TLN2: variants seen among roughly 807,000 people sequenced by gnomAD.
The protein encoded by TLN2 is talin 2, also known as talin-2.
In TLN2, 118 loss-of-function variants were observed where a neutral mutation model predicts 294.7. The ratio of observed to expected loss-of-function variants is 0.40; its 90% CI spans 0.34 to 0.47. The LOEUF is 0.47. TLN2 is among the 20% of genes least tolerant of loss of function. The pLI, the probability that TLN2 is intolerant of heterozygous loss-of-function variation, is 0.84. For synonymous variants in TLN2, 1,431 were observed against 1,304.5 expected (o/e 1.10, Z -2.09); for missense variants, 3,083 against 3,282.2 (o/e 0.94, Z 1.48).
At chr15:62,720,025 C>A in intron 25 of TLN2, 145 bp downstream of exon 25, 1 of 546,384 alleles carries the variant, frequency 1.8e-6, no homozygotes, top group Non-Finnish European at 2.9e-6. Flanking sequence ...TTTACCTTTC[C>A]AGTTTCAGGA....
chr15:62,479,562 C>T (rs900811554), intron 1 of TLN2, among the ~76,000 whole-genome samples: 62 of 152,070 alleles, frequency 4.1e-4, no homozygotes, highest in Non-Finnish European at 2.9e-4. Context: ...CTGCAACCTC[C>T]GCCTCCTGGG....
At chr15:62,784,734 A>ATATAAT (rs2064495729) in intron 45 of TLN2, 1 of 152,242 alleles carries the variant, frequency 6.6e-6, no homozygotes. Context: ...GATTACAGGG[A>ATATAAT]CACTTAAAAG....
chr15:62,719,495 TA>T (rs762686360), intron 24 of TLN2, among the ~76,000 whole-genome samples: 2 of 152,206 alleles, frequency 1.3e-5, no homozygotes, highest in Non-Finnish European at 2.9e-5. Context: ...GAAATTCTTT[TA>T]GGCCTCATCA....
chr15:62,694,252 G>A (rs917394296), intron 13 of TLN2, 64 bp from the exon 14 acceptor site: 50 of 1,482,026 alleles, frequency 3.4e-5, no homozygotes, highest in Non-Finnish European at 4.2e-5. Flanking sequence ...GCTGGGATTA[G>A]AGGCGTGAGC....
chr15:62,572,436 G>A (rs1247201069), intron 1 of TLN2, among the ~76,000 whole-genome samples: 2 of 152,088 alleles, frequency 1.3e-5, no homozygotes, highest in Non-Finnish European at 2.9e-5. Flanking sequence ...TGTAAAGACA[G>A]GTTCTCACTC....
intron 7 of TLN2, among the ~76,000 whole-genome samples, chr15:62,654,507 A>C (rs1395110161): frequency 6.6e-6 from 1 of 152,030 alleles, no homozygotes; most frequent in East Asian, 1.9e-4. Flanking sequence ...TAATTCTAGC[A>C]CTTTGGGAGG....
intron 1 of TLN2, among the ~76,000 whole-genome samples, chr15:62,426,133 G>A (rs1474166508): frequency 6.6e-6 from 1 of 152,158 alleles, no homozygotes; most frequent in African/African-American, 2.4e-5. Context: ...GACCCTGCCT[G>A]AGGAGGGCCT....
intron 1 of TLN2, among the ~76,000 whole-genome samples, chr15:62,530,796 A>T (rs745358584): frequency 2.6e-5 from 4 of 152,240 alleles, no homozygotes; most frequent in Non-Finnish European, 4.4e-5. Flanking sequence ...ACACATGAAA[A>T]ATAGTATCTT....
chr15:62,833,301 C>T, intron 54 of TLN2: 1 of 699,322 alleles, frequency 1.4e-6, no homozygotes, highest in Non-Finnish European at 2.3e-6. Flanking sequence ...GTGGCTTAAC[C>T]AAACTGACTT....
chr15:62,509,310 T>C (rs16945193), intron 1 of TLN2, among the ~76,000 whole-genome samples: 20,024 of 152,278 alleles, frequency 0.13, 1,462 homozygotes, highest in African/African-American at 0.18. Flanking sequence ...GACCTTTGTA[T>C]GTTAATACTT....
chr15:62,616,297 A>C (rs1055078665), intron 2 of TLN2, among the ~76,000 whole-genome samples: 5 of 152,080 alleles, frequency 3.3e-5, no homozygotes, highest in Admixed American at 3.3e-4. Flanking sequence ...CTCTTATGTC[A>C]TGTCTGTTTT....
At chr15:62,401,502 G>T (rs991950134) in intron 1 of TLN2, among the ~76,000 whole-genome samples, 3 of 152,174 alleles carry the variant, frequency 2.0e-5, no homozygotes, top group Admixed American at 2.0e-4. Context: ...CGCTTTGCAG[G>T]ATGGGTTTCT....
chr15:62,415,714 A>G (rs2034038246), intron 1 of TLN2, among the ~76,000 whole-genome samples: 1 of 152,324 alleles, frequency 6.6e-6, no homozygotes, highest in South Asian at 2.1e-4. Flanking sequence ...GGGTTGGGCC[A>G]GTGGGCTCAC....
chr15:62,449,927 C>G (rs2036007679), intron 1 of TLN2, among the ~76,000 whole-genome samples: 1 of 152,202 alleles, frequency 6.6e-6, no homozygotes, highest in Admixed American at 6.5e-5. Flanking sequence ...TGACTACTCC[C>G]TTGCTTCCTT....
intron 2 of TLN2, among the ~76,000 whole-genome samples, chr15:62,606,303 C>T (rs1200516316): frequency 4.7e-5 from 7 of 149,104 alleles, no homozygotes; most frequent in Non-Finnish European, 8.9e-5. Context: ...GTTGGTCAGG[C>T]TGGTCTCGAA....
chr15:62,590,143 A>C (rs2140733233), intron 2 of TLN2, among the ~76,000 whole-genome samples: 1 of 152,220 alleles, frequency 6.6e-6, no homozygotes, highest in African/African-American at 2.4e-5. Context: ...TTAATGTAGA[A>C]ACTTCTAGTG....
In TLN2 at chr15:62,800,633, C is replaced by A; in HGVS notation, c.6361-20C>A. 1 of 1,613,366 alleles carries A rather than the reference C, an allele frequency of 6.2e-7. No individual in the cohort carries two copies. On this transcript the variant is annotated intron_variant, in intron 49 of 58. Coordinates refer to ENST00000636159, the MANE Select transcript of TLN2 (RefSeq NM_015059.3). Reference sequence around the variant, plus strand: ...CCTGAGTCACTGCACTATCTGTATTCATTCTCCCTTCCTATGCAGGTGATG... The same window carrying A: ...CCTGAGTCACTGCACTATCTGTATTAATTCTCCCTTCCTATGCAGGTGATG...
intron 9 of TLN2, among the ~76,000 whole-genome samples, chr15:62,662,587 ATT>A (rs2053977742): frequency 6.6e-6 from 1 of 152,332 alleles, no homozygotes; most frequent in Non-Finnish European, 1.5e-5. Flanking sequence ...AAATTCATTT[ATT>A]TAACAAATAA....
At chr15:62,443,507 C>T (rs1355072889) in intron 1 of TLN2, among the ~76,000 whole-genome samples, 1 of 152,164 alleles carries the variant, frequency 6.6e-6, no homozygotes, top group Non-Finnish European at 1.5e-5. Flanking sequence ...GATTTCTTTT[C>T]CTCTTCATCA....
Sources: allele counts gnomAD v4.1 joint callset (sites outside exome capture counted in the v4.1 genomes callset), GRCh38; gene constraint gnomAD v4.1.1; transcripts MANE v1.5; gene names NCBI Gene and HGNC (gene_info 2026-07-23, HGNC 2026-07-21).